OR14A2: variants seen among roughly 807,000 people sequenced by gnomAD.
OR14A2 encodes olfactory receptor 14A2.
For synonymous variants in OR14A2, 114 were observed against 58.6 expected (o/e 1.95, Z -4.32); for missense variants, 237 against 152.9 (o/e 1.55, Z -2.90).
At chr1:247,731,547 T>C in the OR14A2 span, among the ~76,000 whole-genome samples, 3 of 152,062 alleles carry the variant, frequency 2.0e-5, no homozygotes, top group Non-Finnish European at 4.4e-5. Flanking sequence ...CCATTATATC[T>C]ATAATTATTT....
the OR14A2 span, among the ~76,000 whole-genome samples, chr1:247,736,624 T>C: frequency 6.6e-6 from 1 of 152,012 alleles, no homozygotes; most frequent in Non-Finnish European, 1.5e-5. Context: ...ATCACTGGGG[T>C]GGAAGGAACT....
At chr1:247,731,078 A>G in the OR14A2 span, among the ~76,000 whole-genome samples, 2 of 152,106 alleles carry the variant, frequency 1.3e-5, no homozygotes, top group Admixed American at 1.3e-4. Flanking sequence ...TTAGTATTTC[A>G]GTATATTTCT....
At chr1:247,725,383 T>G (rs1660314544), upstream of OR14A2, among the ~76,000 whole-genome samples, 1 of 152,030 alleles carries the variant, frequency 6.6e-6, no homozygotes, top group Admixed American at 6.6e-5. Flanking sequence ...TTAGCTTACT[T>G]CAATGGTCAG....
chr1:247,739,302 C>T, the OR14A2 span: 1 of 780,836 alleles, frequency 1.3e-6, no homozygotes, highest in Admixed American at 1.7e-5. Flanking sequence ...ATCACAGAGA[C>T]AGAGACAATC....
the OR14A2 span, among the ~76,000 whole-genome samples, chr1:247,732,606 C>A: frequency 3.3e-5 from 5 of 152,104 alleles, no homozygotes; most frequent in Non-Finnish European, 7.4e-5. Context: ...TTGGTACTTA[C>A]CCAACTGATT....
chr1:247,738,133 G>C, the OR14A2 span, among the ~76,000 whole-genome samples: 1 of 152,012 alleles, frequency 6.6e-6, no homozygotes, highest in South Asian at 2.1e-4. Context: ...AGTGAGAAGG[G>C]GATAGTAAAT....
At chr1:247,725,176 C>G (rs548815298), upstream of OR14A2, among the ~76,000 whole-genome samples, 19 of 152,058 alleles carry the variant, frequency 1.2e-4, no homozygotes, top group African/African-American at 4.3e-4. Flanking sequence ...AAAGGGCTTT[C>G]TATGTGGGTG....
At chr1:247,725,112 T>C (rs1000390424), upstream of OR14A2, among the ~76,000 whole-genome samples, 14 of 151,804 alleles carry the variant, frequency 9.2e-5, no homozygotes, top group African/African-American at 3.4e-4. Context: ...TAAACTCAGA[T>C]TGGGGGAGGC....
chr1:247,743,351 G>C, the OR14A2 span, among the ~76,000 whole-genome samples: 1 of 152,126 alleles, frequency 6.6e-6, no homozygotes, highest in Non-Finnish European at 1.5e-5. Context: ...TATAATGGCA[G>C]CCCCCAATCA....
chr1:247,723,880 G>A (rs1327884971), exon 1 of OR14A2: 2 of 717,618 alleles, frequency 2.8e-6, no homozygotes, highest in Non-Finnish European at 5.2e-6. Flanking sequence ...GTACATGGGT[G>A]TTTGGAGCTT....
At chr1:247,747,273 A>G in the OR14A2 span, among the ~76,000 whole-genome samples, 4 of 151,966 alleles carry the variant, frequency 2.6e-5, no homozygotes, top group East Asian at 1.9e-4. Context: ...GAATCAGCCT[A>G]TGGGAAGTCT....
At chr1:247,723,594 T>C (rs1473563904) in exon 1 of OR14A2, 2 of 718,136 alleles carry the variant, frequency 2.8e-6, no homozygotes, top group Non-Finnish European at 5.2e-6. Context: ...CAAAGAGCCC[T>C]CCAATGGCCC....
At chr1:247,723,236 T>C in exon 1 of OR14A2, 1 of 715,836 alleles carries the variant, frequency 1.4e-6, no homozygotes, top group Non-Finnish European at 2.6e-6. Flanking sequence ...GAAAGCAGCC[T>C]GTCAATAACA....
At chr1:247,739,412 T>C in the OR14A2 span, 1 of 780,846 alleles carries the variant, frequency 1.3e-6, no homozygotes, top group South Asian at 1.3e-5. Flanking sequence ...ATGCACCTTC[T>C]ATTCTAGACT....
the OR14A2 span, among the ~76,000 whole-genome samples, chr1:247,743,740 C>A: frequency 6.6e-6 from 1 of 151,992 alleles, no homozygotes; most frequent in Non-Finnish European, 1.5e-5. Flanking sequence ...TGGTTATATG[C>A]ATTTCCAGTG....
chr1:247,747,629 TG>T, the OR14A2 span, among the ~76,000 whole-genome samples: 1 of 152,184 alleles, frequency 6.6e-6, no homozygotes, highest in East Asian at 1.9e-4. Flanking sequence ...CCCAAAGTGC[TG>T]GGATTACAGG....
upstream of OR14A2, among the ~76,000 whole-genome samples, chr1:247,725,005 T>C (rs147344419): frequency 1.3e-5 from 2 of 151,842 alleles, no homozygotes; most frequent in East Asian, 1.9e-4. Flanking sequence ...TCAAACTAGA[T>C]GGTAGAGATT....
chr1:247,739,018 G>A, the OR14A2 span: 10 of 780,648 alleles, frequency 1.3e-5, no homozygotes, highest in Non-Finnish European at 2.2e-5. Flanking sequence ...GCTGTCATGA[G>A]CAGAGGGCTC....
At chr1:247,742,978 G>A in the OR14A2 span, among the ~76,000 whole-genome samples, 2 of 152,044 alleles carry the variant, frequency 1.3e-5, no homozygotes, top group African/African-American at 2.4e-5. Context: ...AATATAATTC[G>A]TATAACTAAG....
Sources: allele counts gnomAD v4.1 joint callset (sites outside exome capture counted in the v4.1 genomes callset), GRCh38; gene constraint gnomAD v4.1.1; transcripts MANE v1.5; gene names NCBI Gene and HGNC (gene_info 2026-07-23, HGNC 2026-07-21).